The following DYSF variants were observed in gnomAD, a reference collection of about 807,000 sequenced individuals.
The protein encoded by DYSF is dysferlin.
A neutral mutation model predicts 274.9 loss-of-function variants in DYSF; 212 were observed. The observed-to-expected ratio is 0.77, with a 90% CI of 0.69 to 0.86. DYSF has a LOEUF of 0.86. DYSF is among the 40% of genes least tolerant of loss of function. The pLI, the probability that DYSF is intolerant of heterozygous loss-of-function variation, is 0.00. For missense variants in DYSF, 2,666 were observed against 2,783.2 expected (o/e 0.96, Z 0.95); for synonymous variants, 1,091 against 1,078.7 (o/e 1.01, Z -0.22).
At chr2:71,638,088 T>A (rs1424553657) in intron 41 of DYSF, among the ~76,000 whole-genome samples, 3 of 151,894 alleles carry the variant, frequency 2.0e-5, no homozygotes, top group African/African-American at 7.3e-5. Flanking sequence ...AAGATTTAGG[T>A]CCTGTTGGTG....
chr2:71,638,939 A>G (rs2094447741), intron 41 of DYSF, among the ~76,000 whole-genome samples: 1 of 152,248 alleles, frequency 6.6e-6, no homozygotes, highest in African/African-American at 2.4e-5. Flanking sequence ...AACATTTTAC[A>G]TCCTCACCAG....
intron 41 of DYSF, among the ~76,000 whole-genome samples, chr2:71,629,439 A>AGCTGGCTCTT (rs2094275762): frequency 6.6e-6 from 1 of 152,202 alleles, no homozygotes; most frequent in African/African-American, 2.4e-5. Context: ...GGTTGGCTCT[A>AGCTGGCTCTT]GCTGGCTCTT....
At chr2:71,461,982 CATATAGA>C (rs1399904918), upstream of DYSF, among the ~76,000 whole-genome samples, 1 of 152,184 alleles carries the variant, frequency 6.6e-6, no homozygotes, top group Non-Finnish European at 1.5e-5. Context: ...GAGCTCTGGG[CATATAGA>C]CTATACAACT....
chr2:71,542,264 A>C (rs2089990564), intron 17 of DYSF, among the ~76,000 whole-genome samples: 1 of 152,262 alleles, frequency 6.6e-6, no homozygotes, highest in African/African-American at 2.4e-5. Flanking sequence ...ATCATCATTA[A>C]GATGGGCTTT....
chr2:71,643,525 A>G (rs1336277126), intron 41 of DYSF, among the ~76,000 whole-genome samples: 1 of 152,066 alleles, frequency 6.6e-6, no homozygotes, highest in Non-Finnish European at 1.5e-5. Context: ...TTGGGTCTGA[A>G]TTTTCCTGGA....
intron 30 of DYSF, among the ~76,000 whole-genome samples, chr2:71,575,597 G>T (rs766978695): frequency 6.6e-6 from 1 of 152,090 alleles, no homozygotes; most frequent in Non-Finnish European, 1.5e-5. Context: ...GTCAGAAAGG[G>T]CCTGGCCTGA....
intron 55 of DYSF, 38 bp from the exon 56 acceptor site, chr2:71,686,416 G>A: frequency 6.2e-7 from 1 of 1,613,240 alleles, no homozygotes; most frequent in Non-Finnish European, 8.5e-7. Flanking sequence ...CTGCCCCAGT[G>A]GGATCACCAT....
At chr2:71,578,369 G>C (rs1161499352) in intron 30 of DYSF, among the ~76,000 whole-genome samples, 2 of 152,134 alleles carry the variant, frequency 1.3e-5, no homozygotes, top group African/African-American at 2.4e-5. Flanking sequence ...TGGAGAGGGA[G>C]GTATGGCAAG....
At chr2:71,490,345 T>C (rs2083738288) in intron 3 of DYSF, among the ~76,000 whole-genome samples, 1 of 151,942 alleles carries the variant, frequency 6.6e-6, no homozygotes, top group Non-Finnish European at 1.5e-5. Flanking sequence ...TGCGTATCTT[T>C]CTTTCTTTTT....
At position 71,549,370 on chromosome 2, in the gene DYSF, A is replaced by C; in HGVS notation, c.1577-1671A>C. On this transcript the variant is annotated intron_variant, in intron 17 of 55. Transcript: ENST00000410020. ...TTCAGAGGAGCCTGCAGGTGCTGTC[A>C]AGCCTTCGAAAGCCTCAGACTGTAC... 6.2e-7 allele frequency: 1 copy of C among 1,612,426 alleles called. No individual in the cohort carries two copies. The highest frequency in any genetic ancestry group is 8.5e-7 in the Non-Finnish European group (1 of 1,179,142).
At chr2:71,608,344 G>A (rs1215870910) in intron 36 of DYSF, among the ~76,000 whole-genome samples, 2 of 152,062 alleles carry the variant, frequency 1.3e-5, no homozygotes, top group East Asian at 3.9e-4. Flanking sequence ...TTGGGGAGGA[G>A]CATTTGGACG....
intron 43 of DYSF, 68 bp downstream of exon 43, chr2:71,656,358 G>A (rs2094770189): frequency 1.2e-6 from 2 of 1,605,510 alleles, no homozygotes; most frequent in Non-Finnish European, 1.7e-6. Flanking sequence ...ATAAGTGAAG[G>A]GGAGGGGTCG....
intron 22 of DYSF, among the ~76,000 whole-genome samples, chr2:71,561,498 G>A (rs2091752351): frequency 6.6e-6 from 1 of 152,196 alleles, no homozygotes; most frequent in Non-Finnish European, 1.5e-5. Flanking sequence ...CAAACTGGCA[G>A]TCCTGGAATC....
rs1441046485 is a variant in DYSF, at chr2:71,513,671, C to A, written c.554-45C>A. On this transcript the variant is annotated intron_variant, in intron 6 of 55. Transcript: ENST00000410020. ...TGGGTCCCAGGGGCAGGGGCAGGGG[C>A]AGGGCCAGAGGGATCCAGGCCTCAT... 6 of 1,599,594 alleles carry A rather than the reference C, an allele frequency of 3.8e-6. No individual in the cohort carries two copies. The Admixed American group carries it at 1.0e-4, about 27-fold the overall frequency.
chr2:71,529,087 T>G (rs756975124), intron 14 of DYSF, among the ~76,000 whole-genome samples: 3 of 152,228 alleles, frequency 2.0e-5, no homozygotes, highest in Non-Finnish European at 4.4e-5. Flanking sequence ...TTCCGCCTGC[T>G]GCCCCTCTGA....
In DYSF at chr2:71,535,037, T is replaced by G; in HGVS notation, c.1397T>G (p.Leu466Trp). The change falls in exon 15 of 56, where the codon TTG becomes TGG. Residue 466 changes from leucine to tryptophan, a missense_variant. Leu to Trp is a moderately conservative substitution (Grantham distance 61). Transcript: ENST00000410020. ...GTCTTCTAGCTGTGCAGCAAGATCT[T>G]GGAGAAGACGGCCAACCCTCAGTGG... ...FAGKMLCSKI[L>W]EKTANPQWNQ... The G allele has an allele frequency of 6.2e-7, 1 of 1,614,156 alleles. No homozygotes were observed. Among genetic ancestry groups the G allele is most frequent in the African/African-American group, 1.3e-5 (1 of 75,002 alleles).
At chr2:71,549,312 G>T (rs2090750004) in intron 17 of DYSF, 1 of 1,606,014 alleles carries the variant, frequency 6.2e-7, no homozygotes, top group South Asian at 1.1e-5. Flanking sequence ...TCCCAGCCAT[G>T]CCCACCCTAA....
chr2:71,671,203 C>T lies in DYSF; in HGVS notation c.5784+1457C>T, dbSNP rs556737692. Among the ~76,000 whole-genome samples the T allele has an allele frequency of 6.6e-5, 10 of 152,320 alleles. No individual in the cohort carries two copies. In the South Asian group the frequency reaches 2.1e-3, roughly 32 times the overall value. ...GGATTCAACAGGGTTAAGTGGATCCCTTTACCGAGCCATTGCTGTGGAGTG... is the reference window on the plus strand; with the variant it reads ...GGATTCAACAGGGTTAAGTGGATCCTTTTACCGAGCCATTGCTGTGGAGTG... On this transcript the variant is annotated intron_variant, in intron 51 of 55. Transcript: ENST00000410020.
chr2:71,513,643 G>T, intron 6 of DYSF, 73 bp from the exon 7 acceptor site: 1 of 1,525,342 alleles, frequency 6.6e-7, no homozygotes, highest in Non-Finnish European at 9.0e-7. Flanking sequence ...CTGCCCCCTG[G>T]GCTGGGTCCC....
Sources: allele counts gnomAD v4.1 joint callset (sites outside exome capture counted in the v4.1 genomes callset), GRCh38; gene constraint gnomAD v4.1.1; transcripts MANE v1.5; gene names NCBI Gene and HGNC (gene_info 2026-07-23, HGNC 2026-07-21).